Variants in NAPB observed in about 807,000 individuals in gnomAD.
The protein encoded by NAPB is beta-soluble NSF attachment protein.
NAPB carries 26 observed loss-of-function variants against 44.7 expected under a neutral mutation model. The observed-to-expected ratio is 0.58, with a 90% confidence interval of 0.43 to 0.81. The LOEUF is 0.81. Among genes scored for constraint, NAPB ranks in the 30% least tolerant of loss-of-function variants. The pLI is 0.00. For synonymous variants in NAPB, 120 were observed against 116.8 expected (o/e 1.03, Z -0.18); for missense variants, 315 against 356.4 (o/e 0.88, Z 0.94).
intron 1 of NAPB, among the ~76,000 whole-genome samples, chr20:23,418,051 T>C (rs1986128526): frequency 2.0e-5 from 3 of 152,220 alleles, no homozygotes; most frequent in South Asian, 2.1e-4. Context: ...AATCTGCAGA[T>C]AGAGCATTCA....
chr20:23,409,228 T>C (rs1180354082), intron 1 of NAPB, among the ~76,000 whole-genome samples: 1 of 152,200 alleles, frequency 6.6e-6, no homozygotes, highest in Non-Finnish European at 1.5e-5. Flanking sequence ...TTGGAATCAA[T>C]TTTCTAAGAA....
In NAPB at chr20:23,374,538, G is replaced by A. The variant is rs1240210006; in HGVS notation, c.*2838C>T. On this transcript the variant is annotated 3_prime_UTR_variant, in exon 11 of 11. Transcript: ENST00000377026. Reference sequence around the variant, plus strand: ...CAAGCATACTTTTTCTGCTAAGGTAGATTTATTGTTACACATGGTTAGTTT... The same window carrying A: ...CAAGCATACTTTTTCTGCTAAGGTAAATTTATTGTTACACATGGTTAGTTT... 1 of 152,128 alleles carries A rather than the reference G, an allele frequency of 6.6e-6. No individual in the cohort carries two copies. The highest frequency in any genetic ancestry group is 1.5e-5 in the Non-Finnish European group (1 of 68,026). 9.4% of individuals were successfully genotyped at this position (152,128 alleles called of 1,614,324 possible).
chr20:23,383,796 G>C (rs1209450137), intron 7 of NAPB, among the ~76,000 whole-genome samples: 1 of 152,160 alleles, frequency 6.6e-6, no homozygotes. Context: ...TTTCTTTCTT[G>C]AGTTTTCTAA....
intron 1 of NAPB, among the ~76,000 whole-genome samples, chr20:23,404,431 C>T (rs1364842840): frequency 6.6e-6 from 1 of 152,164 alleles, no homozygotes. Flanking sequence ...GCTTGCAGCT[C>T]CCTGTCAACA....
chr20:23,390,070 T>C (rs1423509303), intron 6 of NAPB, 40 bp from the exon 7 acceptor site: 5 of 1,604,458 alleles, frequency 3.1e-6, no homozygotes, highest in Non-Finnish European at 4.3e-6. Flanking sequence ...AACAAGTCAA[T>C]GGAAAAATAA....
rs1328480990 is a variant in NAPB, at chr20:23,376,346, A to C, written c.*1030T>G. Reference sequence around the variant, plus strand: ...AGAGAACAATCAAGTCCCCTGAGAAACAAGTTGGGGTTCTTGCCCACTTGG... The same window carrying C: ...AGAGAACAATCAAGTCCCCTGAGAACCAAGTTGGGGTTCTTGCCCACTTGG... On this transcript the variant is annotated 3_prime_UTR_variant, in exon 11 of 11. Coordinates refer to ENST00000377026, the MANE Select transcript of NAPB (RefSeq NM_022080.3). The C allele has an allele frequency of 2.6e-5, 4 of 152,252 alleles. No homozygotes were observed. The highest frequency in any genetic ancestry group is 1.3e-4 in the Admixed American group (2 of 15,288). 9.4% of individuals were successfully genotyped at this position (152,252 alleles called of 1,614,324 possible). A position where few individuals can be genotyped will look rare whatever the true frequency, so the allele number is the denominator to read the frequency against.
chr20:23,397,239 A>G, intron 2 of NAPB, 51 bp from the exon 3 acceptor site: 1 of 1,571,612 alleles, frequency 6.4e-7, no homozygotes, highest in Non-Finnish European at 8.7e-7. Context: ...CCCCCAGAGC[A>G]GCCCATGCTG....
At chr20:23,410,008 T>C (rs2123245913) in intron 1 of NAPB, among the ~76,000 whole-genome samples, 1 of 152,270 alleles carries the variant, frequency 6.6e-6, no homozygotes, top group East Asian at 1.9e-4. Context: ...CCTGGCAGGT[T>C]AGAGCACTGC....
intron 7 of NAPB, among the ~76,000 whole-genome samples, chr20:23,382,696 ACAG>A (rs1315686906): frequency 6.6e-6 from 1 of 152,136 alleles, no homozygotes; most frequent in East Asian, 1.9e-4. Context: ...GGTGGGCTCA[ACAG>A]CAGGATGAAA....
intron 1 of NAPB, among the ~76,000 whole-genome samples, chr20:23,405,593 G>A (rs142086493): frequency 6.6e-6 from 1 of 151,838 alleles, no homozygotes; most frequent in Non-Finnish European, 1.5e-5. Context: ...GCATGGTGGC[G>A]GGTGCCTGCA....
chr20:23,421,276 CCCCA>C (rs1986411521), intron 1 of NAPB, 25 bp downstream of exon 1: 1 of 1,452,836 alleles, frequency 6.9e-7, no homozygotes. Flanking sequence ...GACCCCCCCC[CCCCA>C]GGGCACGCAC....
intron 2 of NAPB, among the ~76,000 whole-genome samples, chr20:23,401,474 C>G (rs1984839162): frequency 6.6e-6 from 1 of 152,180 alleles, no homozygotes; most frequent in African/African-American, 2.4e-5. Context: ...CCCCAGGCAA[C>G]AGATGACGCG....
At chr20:23,417,879 G>A (rs1440925638) in intron 1 of NAPB, among the ~76,000 whole-genome samples, 1 of 151,998 alleles carries the variant, frequency 6.6e-6, no homozygotes. Flanking sequence ...GCCTTACACA[G>A]AGAAGAAATA....
chr20:23,387,552 A>C (rs1403518819), intron 7 of NAPB, among the ~76,000 whole-genome samples: 1 of 152,242 alleles, frequency 6.6e-6, no homozygotes. Flanking sequence ...AGGACAAAAA[A>C]TTGATATGCA....
At chr20:23,420,344 A>C (rs1269756158) in intron 1 of NAPB, among the ~76,000 whole-genome samples, 1 of 152,218 alleles carries the variant, frequency 6.6e-6, no homozygotes, top group Non-Finnish European at 1.5e-5. Context: ...GCTATCAATC[A>C]ATCTCCGGAG....
intron 1 of NAPB, among the ~76,000 whole-genome samples, chr20:23,417,928 T>C (rs1986116220): frequency 6.6e-6 from 1 of 152,192 alleles, no homozygotes; most frequent in Non-Finnish European, 1.5e-5. Context: ...ATGCATATTT[T>C]CATCTAATTT....
intron 1 of NAPB, among the ~76,000 whole-genome samples, chr20:23,412,283 A>G (rs1278219444): frequency 6.6e-6 from 1 of 152,236 alleles, no homozygotes; most frequent in Non-Finnish European, 1.5e-5. Flanking sequence ...AGTCAGTCAC[A>G]TGGCCACAAC....
At chr20:23,409,766 A>C (rs549735458) in intron 1 of NAPB, among the ~76,000 whole-genome samples, 1 of 152,234 alleles carries the variant, frequency 6.6e-6, no homozygotes, top group African/African-American at 2.4e-5. Context: ...AACCACCCAT[A>C]ATCCGTGCCT....
intron 1 of NAPB, among the ~76,000 whole-genome samples, chr20:23,420,614 T>C (rs113910004): frequency 2.0e-5 from 3 of 151,978 alleles, no homozygotes; most frequent in East Asian, 2.0e-4. Flanking sequence ...TCAGGAGCGA[T>C]ACGGGCTTCA....
Sources: gnomAD v4.1 joint callset for allele counts (sites outside exome capture counted in the v4.1 genomes callset) on GRCh38, gnomAD v4.1.1 for gene constraint, MANE v1.5 for transcripts, NCBI Gene and HGNC (gene_info 2026-07-23, HGNC 2026-07-21) for gene names.